ANKRD29: variants seen among roughly 807,000 people sequenced by gnomAD.
The protein encoded by ANKRD29 is ankyrin repeat domain-containing protein 29.
A neutral mutation model predicts 38.0 loss-of-function variants in ANKRD29; 32 were observed. The ratio of observed to expected loss-of-function variants is 0.84; its 90% CI spans 0.64 to 1.13. The LOEUF (loss-of-function observed/expected upper bound fraction) is 1.13, where lower values mean the gene tolerates loss of function less well. Ranked by LOEUF, ANKRD29 falls within the 50% of genes most tolerant of loss-of-function variation. The pLI is 0.00. For synonymous variants in ANKRD29, 135 were observed against 152.4 expected (o/e 0.89, Z 0.84); for missense variants, 357 against 377.9 (o/e 0.94, Z 0.46).
chr18:23,662,799 A>C lies in ANKRD29; in HGVS notation c.-69T>G, dbSNP rs1598561179. ...GGCGCCTTGTCCTCCCCGGCCCTTCACTCTCCCGGGGCTCTCGGCGTTCCG... is the reference window on the plus strand; with the variant it reads ...GGCGCCTTGTCCTCCCCGGCCCTTCCCTCTCCCGGGGCTCTCGGCGTTCCG... On this transcript the variant is annotated 5_prime_UTR_variant, in exon 1 of 10. Transcript: ENST00000592179. The C allele has an allele frequency of 3.7e-6, 5 of 1,357,082 alleles. No individual in the cohort carries two copies. Among genetic ancestry groups the C allele is most frequent in the Non-Finnish European group, 4.8e-6 (5 of 1,051,092 alleles). 84.1% of individuals were successfully genotyped at this position (1,357,082 alleles called of 1,614,324 possible).
Position 23,619,618 on chromosome 18 carries a change from C to A in ANKRD29, c.540G>T (p.Ala180=). 2 of 1,589,964 alleles carry A rather than the reference C, an allele frequency of 1.3e-6. No homozygotes were observed. The highest frequency in any genetic ancestry group is 2.2e-5 in the South Asian group (2 of 89,770). ...KVNQPRQDGT[A]PLWIASQMGH... ...CCATCTGGGACGCGATCCACAGGGGCGCTGTCCCGTCCTGCGGGAAGAGGA... is the reference window on the plus strand; with the variant it reads ...CCATCTGGGACGCGATCCACAGGGGAGCTGTCCCGTCCTGCGGGAAGAGGA... The change falls in exon 7 of 10, where the codon GCG becomes GCT. Residue 180 remains alanine, a synonymous_variant. Transcript: ENST00000592179.
rs543385706 is a variant in ANKRD29 at position 23,641,072 on chromosome 18, G to GA, written c.232-2126dup. On this transcript the variant is annotated intron_variant, in intron 3 of 9. Transcript: ENST00000592179. The stretch of plus-strand genomic sequence containing the variant: ...TTTGCCTGTTTTTAAATGTGGTCTA[G>GA]AAAAAAAAAAGCCCCTTACTCAAGC... Among the ~76,000 whole-genome samples, 148 of 147,868 alleles carry GA rather than the reference G, an allele frequency of 1.0e-3. 4 individuals are homozygous for GA. In the South Asian group the frequency reaches 0.023, roughly 23 times the overall value.
rs2059484809 is a variant in ANKRD29, at chr18:23,599,107, T to C, written c.*2119A>G. On this transcript the variant is annotated 3_prime_UTR_variant, in exon 10 of 10. Transcript: ENST00000592179. ...CAATTAGATTAACATAGAATAATCA[T>C]TTACATGTGTGCAAACTAAAATGCA... The C allele has an allele frequency of 6.6e-6, 1 of 152,218 alleles. No individual in the cohort carries two copies. Among genetic ancestry groups the C allele is most frequent in the Admixed American group, 6.5e-5 (1 of 15,284 alleles). 9.4% of individuals were successfully genotyped at this position (152,218 alleles called of 1,614,324 possible).
In ANKRD29 at chr18:23,600,690, A is replaced by T. The variant is rs1251180007; in HGVS notation, c.*536T>A. 1 of 152,798 alleles carries T rather than the reference A, an allele frequency of 6.5e-6. No individual in the cohort carries two copies. Among genetic ancestry groups the T allele is most frequent in the African/African-American group, 2.4e-5 (1 of 41,464 alleles). 9.5% of individuals were successfully genotyped at this position (152,798 alleles called of 1,614,324 possible). Reference sequence around the variant, plus strand: ...AATAATGTATGTTTACACTTCATTGATTTATAACAATCATGGCTATGGTTC... The same window carrying T: ...AATAATGTATGTTTACACTTCATTGTTTTATAACAATCATGGCTATGGTTC... On this transcript the variant is annotated 3_prime_UTR_variant, in exon 10 of 10. Coordinates refer to ENST00000592179, the MANE Select transcript of ANKRD29 (RefSeq NM_173505.4).
In ANKRD29 at chr18:23,638,702, C is replaced by A. The variant is rs1232229884; in HGVS notation, c.330+147G>T. The A allele has an allele frequency of 1.1e-5, 7 of 651,640 alleles. No homozygotes were observed. The East Asian group carries it at 1.5e-4, about 14-fold the overall frequency. The allele number at this position is 651,640 out of a possible 1,614,324, so 40.4% of individuals were successfully genotyped here. ...CCTTAGAGCTACCCCTGAACCACTA[C>A]AAGTAACCTTGAGGAAATCCACTTA... On this transcript the variant is annotated intron_variant, in intron 4 of 9. Coordinates refer to ENST00000592179, the MANE Select transcript of ANKRD29 (RefSeq NM_173505.4).
intron 3 of ANKRD29, among the ~76,000 whole-genome samples, chr18:23,645,385 C>T (rs1003170535): frequency 6.6e-6 from 1 of 152,166 alleles, no homozygotes; most frequent in African/African-American, 2.4e-5. Context: ...ACCATCTTGG[C>T]CACCATGGTG....
At chr18:23,632,380 TG>T (rs2059944041) in intron 5 of ANKRD29, among the ~76,000 whole-genome samples, 1 of 152,016 alleles carries the variant, frequency 6.6e-6, no homozygotes, top group African/African-American at 2.4e-5. Flanking sequence ...TTAGATTGTT[TG>T]GGTAAAGGTA....
At chr18:23,653,291 C>T (rs1311521566) in intron 1 of ANKRD29, among the ~76,000 whole-genome samples, 2 of 152,350 alleles carry the variant, frequency 1.3e-5, no homozygotes, top group East Asian at 3.9e-4. Flanking sequence ...CACTCTGTCA[C>T]CCAGGCTGGA....
Position 23,601,436 on chromosome 18 carries a change from T to G in ANKRD29, c.823-127A>C, listed in dbSNP as rs187863301. On this transcript the variant is annotated intron_variant, in intron 9 of 9. Coordinates refer to ENST00000592179, the MANE Select transcript of ANKRD29 (RefSeq NM_173505.4). ...AAAAAAATCCACACTGGACTCACTCTTTTATATAAAGGTATTACAAATCTT... is the reference window on the plus strand; with the variant it reads ...AAAAAAATCCACACTGGACTCACTCGTTTATATAAAGGTATTACAAATCTT... 11 of 665,018 alleles carry G rather than the reference T, an allele frequency of 1.7e-5. No individual in the cohort carries two copies. In the East Asian group the frequency reaches 3.0e-4, roughly 18 times the overall value. 41.2% of individuals were successfully genotyped at this position (665,018 alleles called of 1,614,324 possible).
At chr18:23,639,764 G>A (rs1465818860) in intron 3 of ANKRD29, among the ~76,000 whole-genome samples, 1 of 152,074 alleles carries the variant, frequency 6.6e-6, no homozygotes, top group South Asian at 2.1e-4. Context: ...TCAAAGTCCT[G>A]GCCTCAAGTG....
intron 9 of ANKRD29, among the ~76,000 whole-genome samples, chr18:23,608,445 C>A (rs2059599118): frequency 6.6e-6 from 1 of 152,156 alleles, no homozygotes; most frequent in South Asian, 2.1e-4. Flanking sequence ...AAGGGAGGGT[C>A]CAAAGTCTAG....
At position 23,619,544 on chromosome 18, in the gene ANKRD29, T is replaced by C. The variant is rs1467589672; in HGVS notation, c.614A>G (p.Asp205Gly). Residue 205 changes from aspartate to glycine, a missense_variant, in exon 7 of 10, where the codon GAC (aspartate) becomes GGC (glycine). Coordinates refer to ENST00000592179, the MANE Select transcript of ANKRD29 (RefSeq NM_173505.4). ...TCGGGCACTCACGTTCCGCGCAGCG[T>C]CGCGGTCGGCTCCGCGCAGCAGCAT... Reference protein sequence around the residue: ...RVMLLRGADRDAARNDGTTAL... With the variant: ...RVMLLRGADRGAARNDGTTAL... The C allele has an allele frequency of 1.3e-6, 2 of 1,592,984 alleles. No homozygotes were observed.
At chr18:23,623,060 A>C (rs2059815791) in intron 6 of ANKRD29, among the ~76,000 whole-genome samples, 1 of 152,228 alleles carries the variant, frequency 6.6e-6, no homozygotes, top group Non-Finnish European at 1.5e-5. Flanking sequence ...GTGAGAAAAC[A>C]TATACAAAGG....
chr18:23,662,592 AGGC>A, intron 1 of ANKRD29, 115 bp downstream of exon 1: 1 of 959,952 alleles, frequency 1.0e-6, no homozygotes, highest in Non-Finnish European at 1.4e-6. Context: ...AGGAAGGAGG[AGGC>A]GGCGGGCAGC....
chr18:23,619,602 A>C lies in ANKRD29; in HGVS notation c.556T>G (p.Ser186Ala). The C allele has an allele frequency of 6.3e-7, 1 of 1,595,848 alleles. No individual in the cohort carries two copies. Among genetic ancestry groups the C allele is most frequent in the Non-Finnish European group, 8.5e-7 (1 of 1,178,534 alleles). ...QDGTAPLWIASQMGHSEVVRV... is the reference protein window; with the variant it reads ...QDGTAPLWIAAQMGHSEVVRV... Reference sequence around the variant, plus strand: ...ACCACCTCGCTGTGGCCCATCTGGGACGCGATCCACAGGGGCGCTGTCCCG... The same window carrying C: ...ACCACCTCGCTGTGGCCCATCTGGGCCGCGATCCACAGGGGCGCTGTCCCG... The change falls in exon 7 of 10, where the codon TCC becomes GCC. Residue 186 changes from serine (S) to alanine (A), a missense_variant. Physicochemically the swap from Ser to Ala is moderately conservative, Grantham distance 99. Transcript: ENST00000592179.
rs1567999769 is a variant in ANKRD29 at position 23,601,188 on chromosome 18, G to GTTA, written c.*35_*37dup. The GTTA allele has an allele frequency of 6.3e-7, 1 of 1,576,016 alleles. No homozygotes were observed. Among genetic ancestry groups the GTTA allele is most frequent in the South Asian group, 1.1e-5 (1 of 89,860 alleles). On this transcript the variant is annotated 3_prime_UTR_variant, in exon 10 of 10. Transcript: ENST00000592179. ...ATGCAATTTCTTTTTGGACAATGTG[G>GTTA]TTAAGCTTTCTATCTTTCTGTCAAA...
intron 4 of ANKRD29, among the ~76,000 whole-genome samples, chr18:23,634,880 C>G (rs1426833146): frequency 6.6e-6 from 1 of 152,206 alleles, no homozygotes; most frequent in East Asian, 1.9e-4. Context: ...GCCGTCTTCT[C>G]CCTGTGATGT....
chr18:23,644,908 G>A (rs546408126), intron 3 of ANKRD29, among the ~76,000 whole-genome samples: 29 of 152,166 alleles, frequency 1.9e-4, no homozygotes, highest in Non-Finnish European at 2.8e-4. Context: ...GTCTTGCTAT[G>A]TTGCCCAGGC....
At chr18:23,613,644 G>C (rs2059673621) in intron 8 of ANKRD29, among the ~76,000 whole-genome samples, 3 of 149,726 alleles carry the variant, frequency 2.0e-5, no homozygotes, top group Admixed American at 2.0e-4. Flanking sequence ...TTGTCACCCA[G>C]GCTTGAGTGC....
Sources: gnomAD v4.1 joint callset for allele counts (sites outside exome capture counted in the v4.1 genomes callset) on GRCh38, gnomAD v4.1.1 for gene constraint, MANE v1.5 for transcripts, NCBI Gene and HGNC (gene_info 2026-07-23, HGNC 2026-07-21) for gene names.